Variants in TSPAN11 observed in about 807,000 individuals in gnomAD.
The protein encoded by TSPAN11 is tetraspanin 11, also known as tetraspanin-11.
A neutral mutation model predicts 32.9 loss-of-function variants in TSPAN11; 29 were observed. The ratio of observed to expected loss-of-function variants is 0.88; its 90% confidence interval spans 0.66 to 1.20. The LOEUF (loss-of-function observed/expected upper bound fraction) is 1.20. Ranked by LOEUF, TSPAN11 falls within the 50% of genes most tolerant of loss-of-function variation. The pLI is 0.00. For missense variants in TSPAN11, 283 were observed against 329.1 expected (o/e 0.86, Z 1.08); for synonymous variants, 140 against 141.3 (o/e 0.99, Z 0.07).
intron 2 of TSPAN11, chr12:30,955,314 GC>G (rs1938457522): frequency 1.3e-5 from 2 of 152,218 alleles, no homozygotes; most frequent in Admixed American, 1.3e-4. Flanking sequence ...TGAAGATGGT[GC>G]AATAATAAAG....
chr12:30,945,029 T>C (rs1475172430), intron 1 of TSPAN11, among the ~76,000 whole-genome samples: 3 of 152,190 alleles, frequency 2.0e-5, no homozygotes, highest in Non-Finnish European at 4.4e-5. Flanking sequence ...TTCCCAGTGC[T>C]TCCTGTTGCA....
At position 30,960,309 on chromosome 12, in the gene TSPAN11, A is replaced by G. The variant is rs1271117546; in HGVS notation, c.85-3517A>G. On this transcript the variant is annotated intron_variant, in intron 2 of 7. Transcript: ENST00000546076. ...CACAAAGTCTACTATCACCCTGTAC[A>G]CTTCCCATCACCCTGTGCATTTCCC... is the stretch of plus-strand genomic sequence containing the variant. 2.0e-5 allele frequency among the ~76,000 whole-genome samples: 3 copies of G among 151,806 alleles called. No homozygotes were observed. In the South Asian group the frequency reaches 6.2e-4, roughly 31 times the overall value.
intron 5 of TSPAN11, among the ~76,000 whole-genome samples, chr12:30,982,225 G>T (rs1354089259): frequency 6.6e-6 from 1 of 152,088 alleles, no homozygotes; most frequent in African/African-American, 2.4e-5. Context: ...CACTCTCTGG[G>T]GACCCACCTC....
At chr12:30,972,079 A>G (rs568993783) in intron 3 of TSPAN11, among the ~76,000 whole-genome samples, 3 of 152,198 alleles carry the variant, frequency 2.0e-5, no homozygotes, top group African/African-American at 7.2e-5. Flanking sequence ...TTTATGGAGG[A>G]CTCTGGGGCA....
chr12:31,005,528 T>C, the TSPAN11 span, among the ~76,000 whole-genome samples: 1 of 152,190 alleles, frequency 6.6e-6, no homozygotes, highest in African/African-American at 2.4e-5. Flanking sequence ...CCATCATCTC[T>C]GGCAAATATG....
intron 4 of TSPAN11, 22 bp from the exon 5 acceptor site, chr12:30,979,544 A>C (rs35096): frequency 0.96 from 1,541,305 of 1,612,534 alleles, 736,983 homozygotes; most frequent in African/African-American, 0.97. Flanking sequence ...GCTGATGGGG[A>C]CTTCGCTCCT....
Position 30,963,979 on chromosome 12 carries a change from G to C in TSPAN11, c.238G>C (p.Gly80Arg). The C allele has an allele frequency of 6.2e-7, 1 of 1,613,984 alleles. No individual in the cohort carries two copies. The highest frequency in any genetic ancestry group is 8.5e-7 in the Non-Finnish European group (1 of 1,180,012). Reference sequence around the variant, plus strand: ...CATGGTGACCGGCTTCCTGGGCTTCGGTGCCATCCTCTGGGAGCGGAAGGG... The same window carrying C: ...CATGGTGACCGGCTTCCTGGGCTTCCGTGCCATCCTCTGGGAGCGGAAGGG... Reference protein sequence around the residue: ...LVMVTGFLGFGAILWERKGCL... With the variant: ...LVMVTGFLGFRAILWERKGCL... The change falls in exon 3 of 8, where the codon GGT becomes CGT. Residue 80 changes from glycine (G) to arginine (R), a missense_variant. Transcript: ENST00000546076.
chr12:30,953,668 G>T (rs1010400191), intron 1 of TSPAN11, among the ~76,000 whole-genome samples: 2 of 152,220 alleles, frequency 1.3e-5, no homozygotes, highest in African/African-American at 4.8e-5. Context: ...TGCAACCCTG[G>T]TGAGACAGGA....
At chr12:30,949,637 C>G (rs1938341781) in intron 1 of TSPAN11, among the ~76,000 whole-genome samples, 1 of 152,156 alleles carries the variant, frequency 6.6e-6, no homozygotes, top group Non-Finnish European at 1.5e-5. Context: ...CTGGGAGATA[C>G]AATTCAAGTT....
intron 7 of TSPAN11, chr12:30,986,783 C>T (rs1236902923): frequency 2.6e-5 from 4 of 152,196 alleles, no homozygotes; most frequent in Non-Finnish European, 5.9e-5. Context: ...ACCTTGTGGA[C>T]GTGTGGACCA....
At chr12:30,973,852 A>C (rs1436791148) in intron 3 of TSPAN11, among the ~76,000 whole-genome samples, 1 of 152,204 alleles carries the variant, frequency 6.6e-6, no homozygotes, top group Non-Finnish European at 1.5e-5. Flanking sequence ...TGCTTCCTAG[A>C]GTCAACCCTA....
chr12:30,950,198 C>T (rs1020998159), intron 1 of TSPAN11, among the ~76,000 whole-genome samples: 24 of 151,926 alleles, frequency 1.6e-4, no homozygotes, highest in Non-Finnish European at 3.1e-4. Flanking sequence ...CATGTAAGGT[C>T]GCTCTTGACT....
the TSPAN11 span, chr12:31,015,596 T>C: frequency 1.3e-5 from 2 of 152,214 alleles, no homozygotes; most frequent in South Asian, 2.1e-4. The surrounding 1 kb of genome is among the most constrained non-coding windows in gnomAD (Gnocchi z 4.9). Flanking sequence ...GAGCAGCACA[T>C]CCTCCCCCAG....
intron 2 of TSPAN11, among the ~76,000 whole-genome samples, chr12:30,961,213 A>G (rs1938606650): frequency 6.6e-6 from 1 of 151,770 alleles, no homozygotes; most frequent in African/African-American, 2.4e-5. Context: ...CTGCTGACTT[A>G]GGCAGTTTCC....
At chr12:30,965,829 T>C (rs1450640957) in intron 3 of TSPAN11, among the ~76,000 whole-genome samples, 1 of 151,984 alleles carries the variant, frequency 6.6e-6, no homozygotes, top group East Asian at 1.9e-4. Context: ...TTTTAGGTGA[T>C]GGTCAGTCAG....
At chr12:30,927,548 A>C (rs1468109523) in intron 1 of TSPAN11, among the ~76,000 whole-genome samples, 2 of 149,708 alleles carry the variant, frequency 1.3e-5, no homozygotes, top group Non-Finnish European at 3.0e-5. Flanking sequence ...AGTGTTCCAG[A>C]GGTCTCCAGT....
intron 4 of TSPAN11, 136 bp downstream of exon 4, chr12:30,978,771 C>A: frequency 1.3e-6 from 1 of 792,900 alleles, no homozygotes; most frequent in East Asian, 2.5e-5. Flanking sequence ...CGGCAATCCC[C>A]CTACATATCT....
intron 3 of TSPAN11, among the ~76,000 whole-genome samples, chr12:30,965,672 C>T (rs1938715836): frequency 6.6e-6 from 1 of 152,216 alleles, no homozygotes; most frequent in Non-Finnish European, 1.5e-5. Flanking sequence ...CGAGCAAGCG[C>T]TGCACTTGAC....
At chr12:30,979,217 A>T (rs2140303515) in intron 4 of TSPAN11, among the ~76,000 whole-genome samples, 1 of 152,320 alleles carries the variant, frequency 6.6e-6, no homozygotes, top group South Asian at 2.1e-4. Flanking sequence ...TCATGATCAC[A>T]GTTAAGATCA....
Sources: allele counts gnomAD v4.1 joint callset (sites outside exome capture counted in the v4.1 genomes callset), GRCh38; gene constraint gnomAD v4.1.1; non-coding constraint Gnocchi (gnomAD v3.1); transcripts MANE v1.5; gene names NCBI Gene and HGNC (gene_info 2026-07-23, HGNC 2026-07-21).